Variants in FHIP2B observed in about 807,000 individuals in gnomAD.
The protein encoded by FHIP2B is FHF complex subunit HOOK-interacting protein 2B.
In FHIP2B, 72 loss-of-function variants were observed where a neutral mutation model predicts 84.0. The observed-to-expected ratio is 0.86, with a 90% confidence interval of 0.71 to 1.04. FHIP2B has a LOEUF of 1.04. Among genes scored for constraint, FHIP2B ranks in the 50% least tolerant of loss-of-function variants. The pLI is 0.00. For synonymous variants in FHIP2B, 497 were observed against 418.7 expected (o/e 1.19, Z -2.28); for missense variants, 972 against 968.9 (o/e 1.00, Z -0.04).
intron 1 of FHIP2B, chr8:22,089,749 C>G (rs1284868565): frequency 1.6e-6 from 2 of 1,265,476 alleles, no homozygotes; most frequent in Non-Finnish European, 1.0e-6. Flanking sequence ...TCCCCTCGGT[C>G]TGATCTCCCA....
At chr8:22,100,784 C>G in intron 11 of FHIP2B, 45 bp downstream of exon 11, 10 of 1,611,384 alleles carry the variant, frequency 6.2e-6, no homozygotes, top group Non-Finnish European at 8.5e-6. Flanking sequence ...GCCCTTAGCA[C>G]TCGCACGCTC....
chr8:22,093,418 A>G lies in FHIP2B; in HGVS notation c.46-1022A>G, dbSNP rs181589800. 5.9e-5 allele frequency among the ~76,000 whole-genome samples: 9 copies of G among 152,150 alleles called. No homozygotes were observed. In the East Asian group the frequency reaches 1.2e-3, roughly 20 times the overall value. ...GCCATGGTGTAGAGATGGAGAGAGCACTCATGGAAAAGGGGGAGGTTAGGG... is the reference window on the plus strand; with the variant it reads ...GCCATGGTGTAGAGATGGAGAGAGCGCTCATGGAAAAGGGGGAGGTTAGGG... On this transcript the variant is annotated intron_variant, in intron 1 of 16. Coordinates refer to ENST00000289921, the MANE Select transcript of FHIP2B (RefSeq NM_022749.7).
At position 22,099,824 on chromosome 8, in the gene FHIP2B, A is replaced by T; in HGVS notation, c.1272A>T (p.Glu424Asp). 6.2e-7 allele frequency: 1 copy of T among 1,613,046 alleles called. No homozygotes were observed. Among genetic ancestry groups the T allele is most frequent in the Non-Finnish European group, 8.5e-7 (1 of 1,179,672 alleles). ...AFLLGTDRQP[E>D]APGDNPHTLY... Reference sequence around the variant, plus strand: ...TCCTGGGCACAGACCGGCAGCCTGAAGCCCCCGGGGACAACCCCCACACCC... The same window carrying T: ...TCCTGGGCACAGACCGGCAGCCTGATGCCCCCGGGGACAACCCCCACACCC... Residue 424 changes from glutamate to aspartate, a missense_variant, in exon 10 of 17, where the codon GAA (glutamate) becomes GAT (aspartate). Glu to Asp is a conservative substitution (Grantham distance 45). Coordinates refer to ENST00000289921, the MANE Select transcript of FHIP2B (RefSeq NM_022749.7).
rs1825792585 is a variant in FHIP2B, at chr8:22,096,738, G to C, written c.297+229G>C. 5.6e-6 allele frequency: 3 copies of C among 531,866 alleles called. No individual in the cohort carries two copies. In the African/African-American group the frequency reaches 5.9e-5, roughly 10 times the overall value. The allele number at this position is 531,866 out of a possible 1,614,324, so 32.9% of individuals were successfully genotyped here. A position where few individuals can be genotyped will look rare whatever the true frequency, so the allele number is the denominator to read the frequency against. On this transcript the variant is annotated intron_variant, in intron 3 of 16. Transcript: ENST00000289921. ...TCCTGACACTGAAAGTGGCAGTTCG[G>C]GCGAGAGGAGCAAACAGGACGGGCA...
chr8:22,089,278 C>A lies in FHIP2B; in HGVS notation c.25C>A (p.Leu9Met). The change falls in exon 1 of 17, where the codon CTG (leucine) becomes ATG (methionine). Residue 9 changes from leucine (L) to methionine (M), a missense_variant. Leu to Met is a conservative substitution (Grantham distance 15, BLOSUM62 2). Coordinates refer to ENST00000289921, the MANE Select transcript of FHIP2B (RefSeq NM_022749.7). ...CATGCTGAGCCGGCTCGGGGCGCTG[C>A]TGCAGGAAGCCGTGGGGGCGGTGAG... MLSRLGAL[L>M]QEAVGAREPS... 1 of 1,044,646 alleles carries A rather than the reference C, an allele frequency of 9.6e-7. No homozygotes were observed. Among genetic ancestry groups the A allele is most frequent in the Non-Finnish European group, 1.1e-6 (1 of 869,924 alleles). The allele number at this position is 1,044,646 out of a possible 1,614,324, so 64.7% of individuals were successfully genotyped here. A position where few individuals can be genotyped will look rare whatever the true frequency, so the allele number is the denominator to read the frequency against.
At chr8:22,099,631 G>A (rs1825989036) in intron 9 of FHIP2B, 73 bp from the exon 10 acceptor site, 1 of 1,467,502 alleles carries the variant, frequency 6.8e-7, no homozygotes, top group South Asian at 1.4e-5. Flanking sequence ...AGGCAAGCAG[G>A]AAGGGTTCGG....
chr8:22,096,500 C>G lies in FHIP2B; in HGVS notation c.288C>G (p.Gly96=). 6.5e-7 allele frequency: 1 copy of G among 1,537,874 alleles called. No individual in the cohort carries two copies. Among genetic ancestry groups the G allele is most frequent in the Non-Finnish European group, 8.8e-7 (1 of 1,138,692 alleles). Residue 96 remains glycine (G), a synonymous_variant, in exon 3 of 17, where the codon GGC becomes GGG. Transcript: ENST00000289921. ...TCCTGGAGACTCTCTGCACGCTGGGCAAGGCCGAGGTGGGAGGCCCTCTGC... is the reference window on the plus strand; with the variant it reads ...TCCTGGAGACTCTCTGCACGCTGGGGAAGGCCGAGGTGGGAGGCCCTCTGC... ...HKILETLCTL[G]KAEYPPGMRQ...
intron 1 of FHIP2B, among the ~76,000 whole-genome samples, chr8:22,092,667 G>A (rs1825557314): frequency 6.6e-6 from 1 of 150,720 alleles, no homozygotes; most frequent in South Asian, 2.1e-4. Flanking sequence ...TCTTGGCTTG[G>A]CATTAGAGAC....
At chr8:22,094,015 C>A (rs771860461) in intron 1 of FHIP2B, among the ~76,000 whole-genome samples, 3 of 152,164 alleles carry the variant, frequency 2.0e-5, no homozygotes, top group Non-Finnish European at 4.4e-5. Flanking sequence ...CTGCACCTGA[C>A]CTTTGCCACA....
intron 1 of FHIP2B, among the ~76,000 whole-genome samples, chr8:22,090,908 G>A (rs914607519): frequency 1.3e-5 from 2 of 152,114 alleles, no homozygotes; most frequent in African/African-American, 2.4e-5. Flanking sequence ...ATGAGCCACC[G>A]CACCCGGCTA....
At position 22,101,103 on chromosome 8, in the gene FHIP2B, C is replaced by T. The variant is rs947703116; in HGVS notation, c.1616+131C>T. Reference sequence around the variant, plus strand: ...CAATCTCGGCTCACTGCAACCTCCACCTCCCGGGTTCCGGATCCAAGCGAT... The same window carrying T: ...CAATCTCGGCTCACTGCAACCTCCATCTCCCGGGTTCCGGATCCAAGCGAT... On this transcript the variant is annotated intron_variant, in intron 12 of 16. Transcript: ENST00000289921. 5.6e-6 allele frequency: 7 copies of T among 1,241,522 alleles called. No homozygotes were observed. In the African/African-American group the frequency reaches 6.0e-5, roughly 11 times the overall value. The allele number at this position is 1,241,522 out of a possible 1,614,324, so 76.9% of individuals were successfully genotyped here. A position where few individuals can be genotyped will look rare whatever the true frequency, so the allele number is the denominator to read the frequency against.
At chr8:22,097,911 G>T in intron 5 of FHIP2B, 72 bp downstream of exon 5, 5 of 1,583,330 alleles carry the variant, frequency 3.2e-6, no homozygotes, top group Non-Finnish European at 4.3e-6. Context: ...GCCCTCCTGA[G>T]GAGGCAGAAG....
In FHIP2B at chr8:22,093,290, T is replaced by C. The variant is rs1459715565; in HGVS notation, c.46-1150T>C. On this transcript the variant is annotated intron_variant, in intron 1 of 16. Coordinates refer to ENST00000289921, the MANE Select transcript of FHIP2B (RefSeq NM_022749.7). Reference sequence around the variant, plus strand: ...GAATTCTTTTTTTCCTGAAAACATTTACTCTGCAAGAAAAGCGAAGGAATG... The same window carrying C: ...GAATTCTTTTTTTCCTGAAAACATTCACTCTGCAAGAAAAGCGAAGGAATG... 4.0e-5 allele frequency among the ~76,000 whole-genome samples: 6 copies of C among 151,218 alleles called. No individual in the cohort carries two copies. In the Admixed American group the frequency reaches 4.0e-4, roughly 10 times the overall value.
intron 2 of FHIP2B, chr8:22,094,820 C>T (rs1825679016): frequency 1.6e-6 from 2 of 1,213,908 alleles, no homozygotes; most frequent in Admixed American, 4.5e-5. Context: ...GCTGCACTTC[C>T]CCCAGCTTCC....
rs879014229 is a variant in FHIP2B, at chr8:22,101,515, C to T, written c.1692C>T (p.His564=). The T allele has an allele frequency of 1.1e-5, 17 of 1,612,208 alleles. No individual in the cohort carries two copies. Among genetic ancestry groups the T allele is most frequent in the Non-Finnish European group, 1.4e-5 (16 of 1,178,864 alleles). The change falls in exon 13 of 17, where the codon CAC becomes CAT. Residue 564 remains histidine (H), a synonymous_variant. Transcript: ENST00000289921. ...LEETGYDTYV[H]DAYGLFQECS... is the part of the protein sequence containing the mutation. ...AGACAGGCTATGACACATACGTCCA[C>T]GATGCTTATGGCCTGGTGAGTGGCT...
chr8:22,097,971 A>G, intron 5 of FHIP2B, 97 bp from the exon 6 acceptor site: 2 of 1,531,890 alleles, frequency 1.3e-6, no homozygotes, highest in East Asian at 2.3e-5. Flanking sequence ...CTCCAGCTCC[A>G]GGCCGACGCC....
intron 10 of FHIP2B, chr8:22,100,209 C>A (rs759613052): frequency 1.2e-5 from 5 of 404,112 alleles, no homozygotes; most frequent in South Asian, 4.4e-5. Context: ...GCTGGGACTG[C>A]AGGCATGAGC....
chr8:22,102,560 G>A lies in FHIP2B; in HGVS notation c.2025G>A (p.Arg675=). ...VIGDLMQRIQ[R]VPQFPGKLLL... is the part of the protein sequence containing the mutation. ...GGGACTTGATGCAGAGAATCCAGAG[G>A]GTACCCCAGTTCCCAGGCAAGCTGC... Residue 675 remains arginine (R), a synonymous_variant, in exon 16 of 17, where the codon AGG becomes AGA. Transcript: ENST00000289921. 1 of 1,562,302 alleles carries A rather than the reference G, an allele frequency of 6.4e-7. No homozygotes were observed. Among genetic ancestry groups the A allele is most frequent in the Non-Finnish European group, 8.7e-7 (1 of 1,153,722 alleles).
chr8:22,089,477 C>T (rs1301690019), intron 1 of FHIP2B, among the ~76,000 whole-genome samples, 179 bp downstream of exon 1: 1 of 151,668 alleles, frequency 6.6e-6, no homozygotes, highest in Non-Finnish European at 1.5e-5. Context: ...CTTCCCCTCG[C>T]TCTTCCCAGT....
Sources: gnomAD v4.1 joint callset for allele counts (sites outside exome capture counted in the v4.1 genomes callset) on GRCh38, gnomAD v4.1.1 for gene constraint, MANE v1.5 for transcripts, NCBI Gene and HGNC (gene_info 2026-07-23, HGNC 2026-07-21) for gene names.